Variants in GMDS observed in about 807,000 individuals in gnomAD.
GMDS encodes the protein GDP-mannose 4,6 dehydratase.
A neutral mutation model predicts 49.9 loss-of-function variants in GMDS; 20 were observed. That is an observed-to-expected ratio of 0.40 (90% CI 0.28 to 0.58). The LOEUF is 0.58. Among genes scored for constraint, GMDS ranks in the 20% least tolerant of loss-of-function variants. The probability of loss-of-function intolerance (pLI) is 0.42; values close to 1 mark genes in which losing one functional copy is unlikely to be tolerated. For missense variants in GMDS, 362 were observed against 481.4 expected, an observed-to-expected ratio of 0.75 and a Z score of 2.32; for synonymous variants, 177 against 178.6, an observed-to-expected ratio of 0.99 and a Z score of 0.07.
At chr6:1,707,652 C>A (rs1765786863) in intron 9 of GMDS, among the ~76,000 whole-genome samples, 1 of 152,028 alleles carries the variant, frequency 6.6e-6, no homozygotes, top group Non-Finnish European at 1.5e-5. Context: ...GGGAGGAGCT[C>A]CCCACCTTCC....
chr6:1,763,722 T>C (rs1464434543), intron 7 of GMDS, among the ~76,000 whole-genome samples: 1 of 152,246 alleles, frequency 6.6e-6, no homozygotes, highest in Admixed American at 6.5e-5. Context: ...CCAGTCATCA[T>C]GGTGGCATGA....
intron 4 of GMDS, among the ~76,000 whole-genome samples, chr6:2,066,725 A>G (rs1771619708): frequency 6.6e-6 from 1 of 152,228 alleles, no homozygotes; most frequent in Admixed American, 6.5e-5. Context: ...TATCCTAAAT[A>G]TATATGCGCC....
chr6:1,741,640 C>T (rs568777669), intron 8 of GMDS, among the ~76,000 whole-genome samples: 1 of 151,586 alleles, frequency 6.6e-6, no homozygotes, highest in African/African-American at 2.4e-5. Flanking sequence ...AATGAAACCC[C>T]ATCTCTACTA....
chr6:1,983,422 G>A (rs997214595), intron 4 of GMDS, among the ~76,000 whole-genome samples: 1 of 151,904 alleles, frequency 6.6e-6, no homozygotes, highest in South Asian at 2.1e-4. Context: ...CAAAAGAAAC[G>A]ATCAACAGAG....
intron 7 of GMDS, among the ~76,000 whole-genome samples, chr6:1,904,002 G>C (rs975117792): frequency 6.6e-6 from 1 of 152,110 alleles, no homozygotes; most frequent in Non-Finnish European, 1.5e-5. Context: ...GATTTATTGC[G>C]ACTGAGTCCC....
chr6:2,120,194 C>T (rs962895541), intron 2 of GMDS, among the ~76,000 whole-genome samples: 12 of 152,096 alleles, frequency 7.9e-5, no homozygotes, highest in Non-Finnish European at 1.5e-5. Flanking sequence ...ATCACAACAC[C>T]CTTACTATAA....
At chr6:1,984,502 C>G (rs574720252) in intron 4 of GMDS, among the ~76,000 whole-genome samples, 34 of 151,378 alleles carry the variant, frequency 2.2e-4, no homozygotes, top group Non-Finnish European at 5.9e-5. Flanking sequence ...GACATCTGGG[C>G]ATCACTGAAT....
chr6:1,755,624 A>G (rs1282281138), intron 7 of GMDS, among the ~76,000 whole-genome samples: 1 of 152,188 alleles, frequency 6.6e-6, no homozygotes, highest in African/African-American at 2.4e-5. Flanking sequence ...ACTTCGAACT[A>G]TACTGCAAGA....
chr6:1,817,246 G>C (rs566658560), intron 7 of GMDS, among the ~76,000 whole-genome samples: 1 of 151,764 alleles, frequency 6.6e-6, no homozygotes, highest in Non-Finnish European at 1.5e-5. Flanking sequence ...AAACAGACTC[G>C]TCATAAGTGT....
intron 1 of GMDS, among the ~76,000 whole-genome samples, chr6:2,144,168 T>C (rs1354468675): frequency 6.6e-6 from 1 of 152,192 alleles, no homozygotes; most frequent in Non-Finnish European, 1.5e-5. Flanking sequence ...ATAAAGAGTC[T>C]TGAGGAGGTC....
intron 6 of GMDS, among the ~76,000 whole-genome samples, chr6:1,956,366 A>G (rs1348786193): frequency 1.3e-5 from 2 of 152,232 alleles, no homozygotes; most frequent in Admixed American, 1.3e-4. Context: ...GATTTGGCCC[A>G]TGAGTCCTAG....
In GMDS at chr6:2,089,637, T is replaced by C. The variant is rs111665940; in HGVS notation, c.345+26134A>G. On this transcript the variant is annotated intron_variant, in intron 4 of 10. Transcript: ENST00000380815. ...TTTTTTACTATGTGTTGTTCACTGC[T>C]TTTGAAAACTTATTCTTGGGTCTTA... Among the ~76,000 whole-genome samples, 746 of 152,348 alleles carry C rather than the reference T, an allele frequency of 4.9e-3. 5 individuals are homozygous for C. The highest frequency in any genetic ancestry group is 0.015 in the African/African-American group (642 of 41,586).
chr6:2,190,429 C>G (rs1778960926), intron 1 of GMDS, among the ~76,000 whole-genome samples: 1 of 152,108 alleles, frequency 6.6e-6, no homozygotes, highest in African/African-American at 2.4e-5. Flanking sequence ...TCTCATGATC[C>G]TCACTTCTAC....
intron 7 of GMDS, among the ~76,000 whole-genome samples, chr6:1,750,938 T>C (rs1767699249): frequency 6.6e-6 from 1 of 152,128 alleles, no homozygotes; most frequent in Non-Finnish European, 1.5e-5. Context: ...CCCCTCACAG[T>C]GTAAACAAAG....
intron 1 of GMDS, among the ~76,000 whole-genome samples, chr6:2,128,266 AC>A (rs775421915): frequency 1.3e-5 from 2 of 150,306 alleles, no homozygotes; most frequent in Non-Finnish European, 3.0e-5. Flanking sequence ...CCTCCATCTC[AC>A]AGGTTCCAGT....
chr6:1,929,878 G>A (rs1336812539), intron 7 of GMDS, among the ~76,000 whole-genome samples: 2 of 152,186 alleles, frequency 1.3e-5, no homozygotes, highest in Admixed American at 6.5e-5. Context: ...ATTTGTGAAA[G>A]TTTTCCTCAT....
intron 9 of GMDS, among the ~76,000 whole-genome samples, chr6:1,634,913 G>C (rs1337693528): frequency 6.6e-6 from 1 of 152,140 alleles, no homozygotes; most frequent in African/African-American, 2.4e-5. Context: ...TGGAGGCGGT[G>C]GTGGGGGAAA....
intron 7 of GMDS, among the ~76,000 whole-genome samples, chr6:1,786,832 C>A (rs1769343162): frequency 6.6e-6 from 1 of 151,466 alleles, no homozygotes; most frequent in African/African-American, 2.4e-5. Context: ...AAGTTGAAAA[C>A]TATGATTACA....
In GMDS at chr6:1,811,209, T is replaced by C. The variant is rs547331380; in HGVS notation, c.772-68623A>G. On this transcript the variant is annotated intron_variant, in intron 7 of 10. Transcript: ENST00000380815. ...TGAAGTTGAAATGATAAAATAATTATTTAAGATCTTTCACCCTTGTCAAAA... is the reference window on the plus strand; with the variant it reads ...TGAAGTTGAAATGATAAAATAATTACTTAAGATCTTTCACCCTTGTCAAAA... Among the ~76,000 whole-genome samples the C allele has an allele frequency of 2.6e-5, 4 of 152,360 alleles. 1 individual carries two copies. The highest frequency in any genetic ancestry group is 2.0e-4 in the Admixed American group (3 of 15,304).
Sources: allele counts gnomAD v4.1 joint callset (sites outside exome capture counted in the v4.1 genomes callset), GRCh38; gene constraint gnomAD v4.1.1; transcripts MANE v1.5; gene names NCBI Gene and HGNC (gene_info 2026-07-23, HGNC 2026-07-21).